Variants in UGT1A8 observed in about 807,000 individuals in gnomAD.
UGT1A8 encodes UDP glucuronosyltransferase family 1 member A8.
Under a neutral mutation model 45.3 loss-of-function variants are expected in UGT1A8, and 39 were observed. The ratio of observed to expected loss-of-function variants is 0.86; its 90% CI spans 0.67 to 1.12. UGT1A8 has a LOEUF of 1.12. Among genes scored for constraint, UGT1A8 ranks in the 50% most tolerant of loss-of-function variants. UGT1A8 has a pLI of 0.00. For synonymous variants in UGT1A8, 275 were observed against 249.2 expected, an observed-to-expected ratio of 1.10 and a Z score of -0.97; for missense variants, 719 against 664.9, an observed-to-expected ratio of 1.08 and a Z score of -0.90.
At chr2:233,682,762 C>A (rs760728918) in intron 1 of UGT1A8, 1 of 1,613,690 alleles carries the variant, frequency 6.2e-7, no homozygotes, top group Non-Finnish European at 8.5e-7. Context: ...TTGGTGGTAT[C>A]AACTGTCATC....
At chr2:233,763,527 CT>C (rs1248792225) in intron 1 of UGT1A8, among the ~76,000 whole-genome samples, 2 of 152,146 alleles carry the variant, frequency 1.3e-5, no homozygotes, top group African/African-American at 4.8e-5. Context: ...TGCCATTCTC[CT>C]TTTTCCGGAT....
At chr2:233,727,469 A>C (rs1381010401) in intron 1 of UGT1A8, among the ~76,000 whole-genome samples, 7 of 152,276 alleles carry the variant, frequency 4.6e-5, no homozygotes, top group Non-Finnish European at 8.8e-5. Flanking sequence ...TGTCTAAATA[A>C]AACACTACTA....
At chr2:233,711,602 G>A (rs764299544) in intron 1 of UGT1A8, among the ~76,000 whole-genome samples, 1 of 152,140 alleles carries the variant, frequency 6.6e-6, no homozygotes, top group Non-Finnish European at 1.5e-5. Flanking sequence ...TCCTGCCTGC[G>A]CCCTCTGGTG....
intron 1 of UGT1A8, chr2:233,690,798 C>T (rs1295946330): frequency 9.1e-7 from 1 of 1,097,034 alleles, no homozygotes; most frequent in South Asian, 2.3e-5. Context: ...CACACACACA[C>T]ACCATTCTTA....
In UGT1A8 at chr2:233,755,313, G is replaced by A. The variant is rs565914238; in HGVS notation, c.856-11721G>A. 9.1e-5 allele frequency: 50 copies of A among 549,068 alleles called. 1 individual carries two copies. The highest frequency in any genetic ancestry group is 7.5e-4 in the South Asian group (41 of 54,588). The allele number at this position is 549,068 out of a possible 1,614,324, so 34.0% of individuals were successfully genotyped here. On this transcript the variant is annotated intron_variant, in intron 1 of 4. Transcript: ENST00000373450. Reference sequence around the variant, plus strand: ...CTGCGGGGCACTGGCACAGCGAGCGGCAAGGCTGCCAGCACCCGCGCACAG... The same window carrying A: ...CTGCGGGGCACTGGCACAGCGAGCGACAAGGCTGCCAGCACCCGCGCACAG...
At position 233,731,325 on chromosome 2, in the gene UGT1A8, G is replaced by A. The variant is rs28898622; in HGVS notation, c.856-35709G>A. Among the ~76,000 whole-genome samples, 886 of 147,182 alleles carry A rather than the reference G, an allele frequency of 6.0e-3. 61 individuals carry two copies. In the East Asian group the frequency reaches 0.15, roughly 25 times the overall value. On this transcript the variant is annotated intron_variant, in intron 1 of 4. Transcript: ENST00000373450. The stretch of plus-strand genomic sequence containing the variant: ...TTATACTTTAAGTTCTAGGGTACAT[G>A]TGCACAAATTGCAGGTTTGATACAT...
chr2:233,721,867 A>G (rs1329615455), intron 1 of UGT1A8: 1 of 503,090 alleles, frequency 2.0e-6, no homozygotes, highest in African/African-American at 1.9e-5. Context: ...GGCCCTGGGC[A>G]CACTTGCCAG....
intron 1 of UGT1A8, chr2:233,748,139 A>G: frequency 1.2e-6 from 2 of 1,608,528 alleles, no homozygotes. Context: ...TAAAAATTGT[A>G]TTTACTTACA....
chr2:233,693,918 C>T (rs907790099), intron 1 of UGT1A8: 4 of 1,611,064 alleles, frequency 2.5e-6, no homozygotes, highest in Non-Finnish European at 3.4e-6. Context: ...GCTCTGTCCT[C>T]CCTCACTCAT....
intron 1 of UGT1A8, chr2:233,719,529 G>A (rs2076777765): frequency 6.2e-7 from 1 of 1,613,836 alleles, no homozygotes; most frequent in South Asian, 1.1e-5. Context: ...TCTTGCCTCT[G>A]AGCTTTTTCA....
At chr2:233,750,124 G>C (rs1694369237) in intron 1 of UGT1A8, among the ~76,000 whole-genome samples, 1 of 151,918 alleles carries the variant, frequency 6.6e-6, no homozygotes, top group South Asian at 2.1e-4. Context: ...GAAGATGTGG[G>C]AAAGTTTGGA....
At chr2:233,733,843 T>C (rs1303071690) in intron 1 of UGT1A8, among the ~76,000 whole-genome samples, 2 of 152,184 alleles carry the variant, frequency 1.3e-5, no homozygotes, top group African/African-American at 4.8e-5. Flanking sequence ...GAGGATTCCC[T>C]CTTTTTCTAT....
chr2:233,685,470 T>C (rs2074740106), intron 1 of UGT1A8, among the ~76,000 whole-genome samples: 2 of 152,234 alleles, frequency 1.3e-5, no homozygotes, highest in Admixed American at 6.5e-5. Flanking sequence ...CCAGTGCAGC[T>C]CTGGAGAACT....
At chr2:233,710,045 C>T (rs1309326393) in intron 1 of UGT1A8, among the ~76,000 whole-genome samples, 1 of 152,194 alleles carries the variant, frequency 6.6e-6, no homozygotes, top group Non-Finnish European at 1.5e-5. Context: ...TGTCTGGCCT[C>T]TTTGGCTCGG....
chr2:233,640,343 T>A (rs1361298832), intron 1 of UGT1A8, among the ~76,000 whole-genome samples: 1 of 152,190 alleles, frequency 6.6e-6, no homozygotes, highest in Non-Finnish European at 1.5e-5. Flanking sequence ...TGGCTGTCAT[T>A]TTTTTAGTGG....
chr2:233,672,069 G>A, intron 1 of UGT1A8: 2 of 1,614,108 alleles, frequency 1.2e-6, no homozygotes, highest in Non-Finnish European at 1.7e-6. Flanking sequence ...GGTCGGTGGT[G>A]GAGAAACTCA....
At chr2:233,664,707 A>G (rs949519991) in intron 1 of UGT1A8, among the ~76,000 whole-genome samples, 17 of 152,212 alleles carry the variant, frequency 1.1e-4, no homozygotes, top group Non-Finnish European at 1.9e-4. Context: ...ATCCACCCCC[A>G]TGATCCAAAC....
chr2:233,660,556 A>G (rs1003474754), intron 1 of UGT1A8, among the ~76,000 whole-genome samples: 2 of 152,220 alleles, frequency 1.3e-5, no homozygotes, highest in African/African-American at 2.4e-5. Flanking sequence ...GTTCTACAAC[A>G]AAAAGACTGG....
At chr2:233,694,307 T>TG (rs2075212609) in intron 1 of UGT1A8, among the ~76,000 whole-genome samples, 1 of 151,966 alleles carries the variant, frequency 6.6e-6, no homozygotes, top group African/African-American at 2.4e-5. Flanking sequence ...GTTTTTTGTT[T>TG]TTTTTTTTCC....
Sources: allele counts gnomAD v4.1 joint callset (sites outside exome capture counted in the v4.1 genomes callset), GRCh38; gene constraint gnomAD v4.1.1; transcripts MANE v1.5; gene names NCBI Gene and HGNC (gene_info 2026-07-23, HGNC 2026-07-21).